GNPTAB: variants seen among roughly 807,000 people sequenced by gnomAD.
GNPTAB encodes N-acetylglucosamine-1-phosphotransferase subunits alpha/beta.
In GNPTAB, 92 loss-of-function variants were observed where a neutral mutation model predicts 136.6. That is an observed-to-expected ratio of 0.67 (90% CI 0.57 to 0.80). The LOEUF (loss-of-function observed/expected upper bound fraction) is 0.80. GNPTAB is among the 30% of genes least tolerant of loss of function. GNPTAB has a pLI of 0.00. For missense variants in GNPTAB, 1,343 were observed against 1,501.8 expected, an observed-to-expected ratio of 0.89 and a Z score of 1.75; for synonymous variants, 512 against 535.1, an observed-to-expected ratio of 0.96 and a Z score of 0.60.
At chr12:101,765,468 A>G in intron 12 of GNPTAB, 164 bp from the exon 13 acceptor site, 1 of 619,252 alleles carries the variant, frequency 1.6e-6, no homozygotes, top group Non-Finnish European at 2.8e-6. Flanking sequence ...GCTAATGCCT[A>G]AACTGTTCTA....
At chr12:101,759,349 C>T (rs562779882) in intron 16 of GNPTAB, among the ~76,000 whole-genome samples, 75 of 116,678 alleles carry the variant, frequency 6.4e-4, no homozygotes, top group Non-Finnish European at 3.9e-4. Flanking sequence ...GGTGAAAGAG[C>T]GAGACTCCGT....
chr12:101,786,312 A>G (rs374271075), intron 4 of GNPTAB, 95 bp from the exon 5 acceptor site: 1 of 931,542 alleles, frequency 1.1e-6, no homozygotes, highest in Non-Finnish European at 1.7e-6. Context: ...AGATTTTTTT[A>G]TAGCCCATAA....
intron 1 of GNPTAB, among the ~76,000 whole-genome samples, chr12:101,809,517 T>A (rs1870108975): frequency 6.6e-6 from 1 of 152,130 alleles, no homozygotes; most frequent in Non-Finnish European, 1.5e-5. Context: ...CTGGAAGCAA[T>A]CAAGATGTCT....
At chr12:101,824,404 C>CTATATATATATA (rs1566102959) in intron 1 of GNPTAB, among the ~76,000 whole-genome samples, 5 of 56,438 alleles carry the variant, frequency 8.9e-5, no homozygotes, top group African/African-American at 4.2e-4. Flanking sequence ...AGAAATTTCA[C>CTATATATATATA]CATATATATA....
Position 101,764,371 on chromosome 12 carries a change from T to C in GNPTAB, c.2546A>G (p.Glu849Gly). The C allele has an allele frequency of 6.2e-7, 1 of 1,614,044 alleles. No homozygotes were observed. The highest frequency in any genetic ancestry group is 1.3e-5 in the African/African-American group (1 of 75,050). ...TTTTTCTTTCCCTGTGATTTTCTTTTCTTTTGTCATCTGGCTTTCCAGTGG... is the reference window on the plus strand; with the variant it reads ...TTTTTCTTTCCCTGTGATTTTCTTTCCTTTTGTCATCTGGCTTTCCAGTGG... ...IVPLESQMTKEKKITGKEKEN... is the reference protein window; with the variant it reads ...IVPLESQMTKGKKITGKEKEN... The change falls in exon 13 of 21, where the codon GAA becomes GGA. Residue 849 changes from glutamate to glycine, a missense_variant. Physicochemically the swap from Glu to Gly is moderately conservative, Grantham distance 98. Transcript: ENST00000299314.
At chr12:101,785,425 G>A (rs554938250) in intron 5 of GNPTAB, among the ~76,000 whole-genome samples, 22 of 152,160 alleles carry the variant, frequency 1.4e-4, no homozygotes, top group African/African-American at 5.3e-4. Flanking sequence ...CCACTATGTT[G>A]CCCAGGCTGG....
chr12:101,818,072 T>C (rs998792059), intron 1 of GNPTAB, among the ~76,000 whole-genome samples: 4 of 152,240 alleles, frequency 2.6e-5, no homozygotes, highest in African/African-American at 2.4e-5. Flanking sequence ...TTCATTCCCC[T>C]GTCACTCCAA....
At chr12:101,750,802 C>A (rs1952804613) in intron 19 of GNPTAB, among the ~76,000 whole-genome samples, 1 of 152,190 alleles carries the variant, frequency 6.6e-6, no homozygotes. Context: ...GTCTCATTTG[C>A]CCAACTCCAA....
rs1275663462 is a variant in GNPTAB at position 101,761,352 on chromosome 12, C to T, written c.2916-6G>A. The T allele has an allele frequency of 6.2e-7, 1 of 1,610,464 alleles. No homozygotes were observed. The highest frequency in any genetic ancestry group is 2.2e-5 in the East Asian group (1 of 44,878). On this transcript the variant is annotated splice_polypyrimidine_tract_variant and splice_region_variant and intron_variant, in intron 14 of 20. Transcript: ENST00000299314. ...TGTCAAATTCTTCAGGGAACCTGTCCAAATATAACATATTACAAACTCTGG... is the reference window on the plus strand; with the variant it reads ...TGTCAAATTCTTCAGGGAACCTGTCTAAATATAACATATTACAAACTCTGG...
intron 1 of GNPTAB, among the ~76,000 whole-genome samples, chr12:101,808,038 A>G (rs1181844859): frequency 6.6e-6 from 1 of 152,194 alleles, no homozygotes; most frequent in Non-Finnish European, 1.5e-5. Flanking sequence ...AGAAATGCGT[A>G]GGCATAACTC....
chr12:101,806,022 C>G, intron 1 of GNPTAB, among the ~76,000 whole-genome samples: 1 of 152,042 alleles, frequency 6.6e-6, no homozygotes, highest in East Asian at 1.9e-4. Flanking sequence ...TTCAAACAAT[C>G]GTTTAAAACA....
chr12:101,796,181 G>A (rs374091241), intron 2 of GNPTAB: 6 of 700,792 alleles, frequency 8.6e-6, no homozygotes, highest in East Asian at 5.4e-5. Context: ...CAGAATTCCG[G>A]CCAGGGCTCA....
At chr12:101,798,677 T>C (rs746468008) in intron 1 of GNPTAB, among the ~76,000 whole-genome samples, 7 of 152,220 alleles carry the variant, frequency 4.6e-5, no homozygotes, top group Non-Finnish European at 1.0e-4. Context: ...GTATATACTG[T>C]ACTAAAATAA....
Position 101,786,009 on chromosome 12 carries a change from T to C in GNPTAB, c.571+3A>G, listed in dbSNP as rs281864960. ...TTTTAAAATATCCATAAAAAGATCT[T>C]ACCATCCTTAGTACTGTCAAAAACA... On this transcript the variant is annotated splice_donor_region_variant and intron_variant, in intron 5 of 20. Transcript: ENST00000299314. 4 of 1,599,574 alleles carry C rather than the reference T, an allele frequency of 2.5e-6. No homozygotes were observed. Among genetic ancestry groups the C allele is most frequent in the Non-Finnish European group, 2.6e-6 (3 of 1,166,910 alleles).
At chr12:101,816,230 GA>G (rs1461626801) in intron 1 of GNPTAB, among the ~76,000 whole-genome samples, 1 of 152,072 alleles carries the variant, frequency 6.6e-6, no homozygotes, top group Non-Finnish European at 1.5e-5. Context: ...CACAGCAAAG[GA>G]AACAATCAAC....
intron 7 of GNPTAB, chr12:101,779,007 A>G (rs1304604259): frequency 6.6e-6 from 1 of 152,064 alleles, no homozygotes; most frequent in Non-Finnish European, 1.5e-5. Context: ...GTATCATAAA[A>G]CAGTAAAACA....
chr12:101,784,452 G>C (rs1180270217), intron 5 of GNPTAB, among the ~76,000 whole-genome samples: 2 of 152,268 alleles, frequency 1.3e-5, no homozygotes, highest in East Asian at 1.9e-4. Flanking sequence ...ACCAGGAAGA[G>C]AAGTTTGTAT....
At chr12:101,749,906 C>T (rs1326182822) in intron 19 of GNPTAB, among the ~76,000 whole-genome samples, 1 of 152,146 alleles carries the variant, frequency 6.6e-6, no homozygotes, top group Admixed American at 6.6e-5. Flanking sequence ...GGGGTCTGGA[C>T]AGAACACTCT....
intron 16 of GNPTAB, among the ~76,000 whole-genome samples, chr12:101,759,460 A>AT (rs1952959546): frequency 6.6e-6 from 1 of 152,130 alleles, no homozygotes; most frequent in Non-Finnish European, 1.5e-5. Flanking sequence ...TCAGTAAAAA[A>AT]TTAACAGAAA....
Sources: gnomAD v4.1 joint callset for allele counts (sites outside exome capture counted in the v4.1 genomes callset) on GRCh38, gnomAD v4.1.1 for gene constraint, MANE v1.5 for transcripts, NCBI Gene and HGNC (gene_info 2026-07-23, HGNC 2026-07-21) for gene names.